Variants in DIAPH2 observed in about 807,000 individuals in gnomAD.
DIAPH2 encodes the protein protein diaphanous homolog 2.
A neutral mutation model predicts 92.7 loss-of-function variants in DIAPH2; 35 were observed. The observed-to-expected ratio is 0.38, with a 90% CI of 0.29 to 0.50. The LOEUF is 0.50. Ranked by LOEUF, DIAPH2 falls within the 20% of genes least tolerant of loss-of-function variation. The pLI is 0.94. For synonymous variants in DIAPH2, 301 were observed against 280.4 expected, an observed-to-expected ratio of 1.07 and a Z score of -0.73; for missense variants, 701 against 819.5, an observed-to-expected ratio of 0.86 and a Z score of 1.77.
At chrX:97,004,867 A>G (rs940418579) in intron 17 of DIAPH2, among the ~76,000 whole-genome samples, 4 of 111,802 alleles carry the variant, frequency 3.6e-5, no homozygotes, top group African/African-American at 1.3e-4. Flanking sequence ...CGGGCATCCT[A>G]GTTGTGTTAC....
chrX:96,949,687 CAAA>C (rs1167294262), intron 15 of DIAPH2, among the ~76,000 whole-genome samples: 3 of 40,312 alleles, frequency 7.4e-5, no homozygotes, highest in Non-Finnish European at 8.5e-5. Flanking sequence ...ACTAAAAATA[CAAA>C]AAAAAAAAAA....
intron 17 of DIAPH2, among the ~76,000 whole-genome samples, chrX:97,013,628 A>T (rs1308948336): frequency 8.9e-6 from 1 of 112,139 alleles, no homozygotes; most frequent in East Asian, 2.8e-4. Context: ...GTGAACTCTT[A>T]TTCATTCTGC....
chrX:97,243,826 A>G (rs1291623645), intron 22 of DIAPH2, among the ~76,000 whole-genome samples: 1 of 111,764 alleles, frequency 8.9e-6, no homozygotes, highest in Non-Finnish European at 1.9e-5. Flanking sequence ...GATTATATCT[A>G]ACCTCTCCCT....
intron 4 of DIAPH2, among the ~76,000 whole-genome samples, chrX:96,791,235 GA>G (rs1372923710): frequency 1.8e-5 from 2 of 111,754 alleles, no homozygotes; most frequent in African/African-American, 6.5e-5. Flanking sequence ...GTAAAGTTTG[GA>G]GCATGTTTTT....
chrX:96,788,519 C>G (rs1004166912), intron 4 of DIAPH2, among the ~76,000 whole-genome samples: 2 of 111,537 alleles, frequency 1.8e-5, no homozygotes, highest in Non-Finnish European at 3.8e-5. Flanking sequence ...CCAACCCGTC[C>G]CCACCCTCCA....
At chrX:97,483,682 C>G (rs567985246) in intron 26 of DIAPH2, among the ~76,000 whole-genome samples, 386 of 111,612 alleles carry the variant, frequency 3.5e-3, no homozygotes, top group African/African-American at 0.012. Flanking sequence ...ATTTACGTAC[C>G]TAGCTAGCTG....
chrX:96,896,118 A>G (rs1416228443), intron 5 of DIAPH2, among the ~76,000 whole-genome samples: 2 of 111,583 alleles, frequency 1.8e-5, no homozygotes, highest in East Asian at 5.6e-4. Context: ...CTATTGGTAC[A>G]TGGAAAACAG....
rs1478088488 is a variant in DIAPH2 at position 97,189,930 on chromosome X, T to C, written c.2719+48136T>C. 1.4e-4 allele frequency among the ~76,000 whole-genome samples: 16 copies of C among 113,054 alleles called. No individual in the cohort carries two copies. In the East Asian group the frequency reaches 4.5e-3, roughly 32 times the overall value. Reference sequence around the variant, plus strand: ...CTGCCTACTCAAACTCTGGGCACTCTTACTTGGCTTGTTAAGTTGTATCCT... The same window carrying C: ...CTGCCTACTCAAACTCTGGGCACTCCTACTTGGCTTGTTAAGTTGTATCCT... On this transcript the variant is annotated intron_variant, in intron 22 of 26. Coordinates refer to ENST00000324765, the MANE Select transcript of DIAPH2 (RefSeq NM_006729.5).
chrX:97,442,965 C>T (rs971682159), intron 26 of DIAPH2, among the ~76,000 whole-genome samples: 4 of 111,834 alleles, frequency 3.6e-5, no homozygotes, highest in Admixed American at 2.8e-4. Flanking sequence ...TCTTTGCAGC[C>T]TTGACTCTCA....
chrX:97,237,061 C>T (rs1397556405), intron 22 of DIAPH2, among the ~76,000 whole-genome samples: 1 of 112,068 alleles, frequency 8.9e-6, no homozygotes, highest in Non-Finnish European at 1.9e-5. Context: ...CACAACTAAA[C>T]ACACCTATAA....
intron 23 of DIAPH2, among the ~76,000 whole-genome samples, chrX:97,305,866 G>A (rs1193802074): frequency 9.3e-6 from 1 of 108,073 alleles, no homozygotes; most frequent in African/African-American, 3.4e-5. Context: ...ATGGGAAATG[G>A]GAGGCAAGAA....
chrX:96,938,025 A>G (rs926032310), intron 11 of DIAPH2, among the ~76,000 whole-genome samples: 41 of 111,473 alleles, frequency 3.7e-4, no homozygotes, highest in African/African-American at 1.3e-3. Context: ...TGTCAAAACC[A>G]AAGTGACCTT....
At chrX:97,375,412 T>C (rs1466924316) in intron 24 of DIAPH2, among the ~76,000 whole-genome samples, 4 of 110,579 alleles carry the variant, frequency 3.6e-5, no homozygotes. Flanking sequence ...GCCAAGATCG[T>C]GCCATTGCAC....
intron 1 of DIAPH2, among the ~76,000 whole-genome samples, chrX:96,695,373 C>T (rs1468037213): frequency 8.9e-6 from 1 of 112,633 alleles, no homozygotes; most frequent in Non-Finnish European, 1.9e-5. Flanking sequence ...TAGGGCTTCC[C>T]TGTATTCTCT....
At chrX:97,259,370 C>T (rs866886078) in intron 23 of DIAPH2, among the ~76,000 whole-genome samples, 14 of 111,716 alleles carry the variant, frequency 1.3e-4, no homozygotes, top group African/African-American at 3.9e-4. Context: ...TCAAGTAGAC[C>T]TCTTTGGCTG....
rs765028275 is a variant in DIAPH2, at chrX:97,219,157, A to G, written c.2720-28558A>G. Among the ~76,000 whole-genome samples the G allele has an allele frequency of 1.0e-3, 115 of 112,633 alleles. 1 individual carries two copies. Among genetic ancestry groups the G allele is most frequent in the African/African-American group, 3.5e-3 (109 of 31,146 alleles). Reference sequence around the variant, plus strand: ...GCATAGGCTACGTTGTGGATGAAAAATGTTTTATGTGCTTAGCACATTCCT... The same window carrying G: ...GCATAGGCTACGTTGTGGATGAAAAGTGTTTTATGTGCTTAGCACATTCCT... On this transcript the variant is annotated intron_variant, in intron 22 of 26. Transcript: ENST00000324765.
At chrX:96,765,462 G>A (rs1373980369) in intron 4 of DIAPH2, among the ~76,000 whole-genome samples, 1 of 111,180 alleles carries the variant, frequency 9.0e-6, no homozygotes, top group Non-Finnish European at 1.9e-5. Flanking sequence ...GCCTCTTAAA[G>A]TGCTGAGATT....
At chrX:96,796,382 G>A (rs1220412925) in intron 4 of DIAPH2, among the ~76,000 whole-genome samples, 1 of 111,186 alleles carries the variant, frequency 9.0e-6, no homozygotes, top group Admixed American at 9.5e-5. Flanking sequence ...GTTGCACCAT[G>A]TTGGCTGGAA....
intron 26 of DIAPH2, among the ~76,000 whole-genome samples, chrX:97,570,418 G>A (rs747462029): frequency 3.7e-5 from 4 of 107,596 alleles, no homozygotes; most frequent in Non-Finnish European, 7.7e-5. Context: ...GAAAAAGTGT[G>A]GGGATAATCA....
Sources: allele counts gnomAD v4.1 joint callset (sites outside exome capture counted in the v4.1 genomes callset), GRCh38; gene constraint gnomAD v4.1.1; transcripts MANE v1.5; gene names NCBI Gene and HGNC (gene_info 2026-07-23, HGNC 2026-07-21).